Variants in REV3L observed in about 807,000 individuals in gnomAD.
The protein encoded by REV3L is DNA polymerase zeta catalytic subunit.
Under a neutral mutation model 299.4 loss-of-function variants are expected in REV3L, and 69 were observed. That is an observed-to-expected ratio of 0.23 (90% CI 0.19 to 0.28). The LOEUF (loss-of-function observed/expected upper bound fraction) is 0.28, where lower values mean the gene tolerates loss of function less well. Among genes scored for constraint, REV3L ranks in the 10% least tolerant of loss-of-function variants. The probability of loss-of-function intolerance (pLI) is 1.00; values close to 1 mark genes in which losing one functional copy is unlikely to be tolerated. For synonymous variants in REV3L, 1,238 were observed against 1,271.4 expected, an observed-to-expected ratio of 0.97 and a Z score of 0.56; for missense variants, 3,128 against 3,693.8, an observed-to-expected ratio of 0.85 and a Z score of 3.97.
rs551100217 is a variant in REV3L at position 111,408,937 on chromosome 6, G to A, written c.404+2543C>T. 1.3e-4 allele frequency among the ~76,000 whole-genome samples: 20 copies of A among 152,070 alleles called. No homozygotes were observed. In the South Asian group the frequency reaches 3.3e-3, roughly 25 times the overall value. On this transcript the variant is annotated intron_variant, in intron 3 of 31. Transcript: ENST00000368802. ...TGACCTCACGTGATCTACCCACCTC[G>A]GCCTCCCAAAGTGCTGGAATTACAA...
At chr6:111,363,324 C>CAA (rs1435825535) in intron 16 of REV3L, among the ~76,000 whole-genome samples, 1 of 152,002 alleles carries the variant, frequency 6.6e-6, no homozygotes, top group Admixed American at 6.6e-5. Context: ...CCCAAAGAGA[C>CAA]AGAGTCTTGC....
chr6:111,341,760 G>GA (rs1292848330), intron 21 of REV3L, among the ~76,000 whole-genome samples: 1 of 151,836 alleles, frequency 6.6e-6, no homozygotes, highest in Admixed American at 6.6e-5. Context: ...AGGAGTTGGG[G>GA]GGGGTCAGAA....
At chr6:111,413,114 G>C (rs1228436733) in intron 2 of REV3L, among the ~76,000 whole-genome samples, 1 of 152,088 alleles carries the variant, frequency 6.6e-6, no homozygotes, top group African/African-American at 2.4e-5. Context: ...GTTAAAGAAA[G>C]ACATATTACA....
Position 111,446,701 on chromosome 6 carries a change from AAAACAAACAAAC to A in REV3L, c.140-30241_140-30230del, listed in dbSNP as rs35603807. Among the ~76,000 whole-genome samples the A allele has an allele frequency of 3.9e-3, 589 of 149,794 alleles. 1 individual carries two copies. The highest frequency in any genetic ancestry group is 7.3e-3 in the African/African-American group (297 of 40,670). On this transcript the variant is annotated intron_variant, in intron 1 of 31. Coordinates refer to ENST00000368802, the MANE Select transcript of REV3L (RefSeq NM_001372078.1). ...GAGCGACGGAGTGAGACTCTGTCTC[AAAACAAACAAAC>A]AAACAAACAAACAAACAAACAACTC...
intron 3 of REV3L, among the ~76,000 whole-genome samples, chr6:111,410,609 G>A (rs889370087): frequency 2.0e-5 from 3 of 152,166 alleles, no homozygotes; most frequent in Admixed American, 6.5e-5. Context: ...GTAAGATCAA[G>A]GGCAGGATGT....
intron 1 of REV3L, among the ~76,000 whole-genome samples, chr6:111,454,791 C>T (rs1005918822): frequency 9.2e-5 from 14 of 152,090 alleles, no homozygotes; most frequent in African/African-American, 3.1e-4. Flanking sequence ...CTCAGCCTCC[C>T]GAGTAGCTGG....
chr6:111,475,486 G>A (rs1276901507), intron 1 of REV3L, among the ~76,000 whole-genome samples: 1 of 152,090 alleles, frequency 6.6e-6, no homozygotes, highest in African/African-American at 2.4e-5. Context: ...CAATGTATAA[G>A]GCTGACCATT....
At chr6:111,335,161 T>C (rs1775780456) in intron 22 of REV3L, among the ~76,000 whole-genome samples, 1 of 152,140 alleles carries the variant, frequency 6.6e-6, no homozygotes, top group South Asian at 2.1e-4. Context: ...AAATTAAAAA[T>C]GTAAAACAAA....
chr6:111,405,408 A>T (rs3218575), intron 4 of REV3L, 62 bp downstream of exon 4: 34,930 of 1,212,082 alleles, frequency 0.029, 711 homozygotes, highest in South Asian at 0.074. Context: ...CACTGACTAT[A>T]TAACACTTGT....
intron 1 of REV3L, among the ~76,000 whole-genome samples, chr6:111,467,995 T>C (rs1791714185): frequency 1.3e-5 from 2 of 152,152 alleles, no homozygotes; most frequent in Non-Finnish European, 2.9e-5. Flanking sequence ...CACAGAGTAT[T>C]TTCCATCTAT....
intron 1 of REV3L, among the ~76,000 whole-genome samples, chr6:111,442,193 G>A (rs898193326): frequency 9.2e-5 from 14 of 152,190 alleles, no homozygotes; most frequent in African/African-American, 3.4e-4. Flanking sequence ...TTGTTCAAGT[G>A]TTTCATATAC....
chr6:111,375,013 A>T lies in REV3L; in HGVS notation c.3342T>A (p.Ser1114=). ...SDVMSKLGFL[S]ERSTSPINSS... Reference sequence around the variant, plus strand: ...AATTTATGGGACTTGTGCTTCTCTCAGAAAGAAAACCTAGTTTAGACATAA... The same window carrying T: ...AATTTATGGGACTTGTGCTTCTCTCTGAAAGAAAACCTAGTTTAGACATAA... Residue 1114 remains serine (S), a synonymous_variant, in exon 13 of 32, where the codon TCT becomes TCA. Coordinates refer to ENST00000368802, the MANE Select transcript of REV3L (RefSeq NM_001372078.1). 1.2e-6 allele frequency: 2 copies of T among 1,613,514 alleles called. No homozygotes were observed. Among genetic ancestry groups the T allele is most frequent in the South Asian group, 2.2e-5 (2 of 90,850 alleles).
Position 111,416,306 on chromosome 6 carries a change from G to A in REV3L, c.306C>T (p.Phe102=). 1 of 1,612,534 alleles carries A rather than the reference G, an allele frequency of 6.2e-7. No homozygotes were observed. Among genetic ancestry groups the A allele is most frequent in the Non-Finnish European group, 8.5e-7 (1 of 1,179,066 alleles). The change falls in exon 2 of 32, where the codon TTC becomes TTT. Residue 102 remains phenylalanine, a synonymous_variant. Coordinates refer to ENST00000368802, the MANE Select transcript of REV3L (RefSeq NM_001372078.1). The part of the protein sequence containing the change: ...GNPSSTAQHV[F]KVSLVSGMPF... ...ACATTCCTGATACTAATGACACTTT[G>A]AACACATGCTGAGCAGTGGAAGATG...
chr6:111,404,876 G>T (rs1783454717), intron 4 of REV3L, among the ~76,000 whole-genome samples: 1 of 152,022 alleles, frequency 6.6e-6, no homozygotes. Context: ...TGCTTGCACA[G>T]CCCACTGAGA....
At chr6:111,355,405 T>C (rs1777988652) in intron 18 of REV3L, among the ~76,000 whole-genome samples, 1 of 152,158 alleles carries the variant, frequency 6.6e-6, no homozygotes. Flanking sequence ...CTCCAAAGGC[T>C]GTGCTGAGTA....
chr6:111,391,922 G>A (rs1271102739), intron 5 of REV3L, among the ~76,000 whole-genome samples: 1 of 152,236 alleles, frequency 6.6e-6, no homozygotes, highest in Admixed American at 6.5e-5. Flanking sequence ...CCAGAAGGCG[G>A]CGGTCGTAGT....
intron 3 of REV3L, among the ~76,000 whole-genome samples, chr6:111,409,524 T>C (rs1040776079): frequency 1.3e-5 from 2 of 152,142 alleles, no homozygotes; most frequent in African/African-American, 4.8e-5. Context: ...GATCTTAGTA[T>C]TTTAGTATAA....
At chr6:111,459,204 G>T (rs2128323821) in intron 1 of REV3L, among the ~76,000 whole-genome samples, 1 of 152,150 alleles carries the variant, frequency 6.6e-6, no homozygotes, top group South Asian at 2.1e-4. Flanking sequence ...TTCAATACAT[G>T]GTGCTGGGAT....
intron 1 of REV3L, among the ~76,000 whole-genome samples, chr6:111,422,649 C>CATATATATATATATACAT: frequency 4.4e-5 from 1 of 22,508 alleles, no homozygotes; most frequent in South Asian, 1.7e-3. Context: ...TATATATATA[C>CATATATATATATATACAT]ATATATATAT....
Sources: gnomAD v4.1 joint callset for allele counts (sites outside exome capture counted in the v4.1 genomes callset) on GRCh38, gnomAD v4.1.1 for gene constraint, MANE v1.5 for transcripts, NCBI Gene and HGNC (gene_info 2026-07-23, HGNC 2026-07-21) for gene names.